The following ADAMTS17 variants were observed in gnomAD, a reference collection of about 807,000 sequenced individuals.
ADAMTS17 encodes the protein ADAM metallopeptidase with thrombospondin type 1 motif 17, also known as A disintegrin and metalloproteinase with thrombospondin motifs 17.
ADAMTS17 carries 113 observed loss-of-function variants against 141.5 expected under a neutral mutation model. The observed-to-expected ratio is 0.80, with a 90% CI of 0.69 to 0.93. The LOEUF is 0.93. Ranked by LOEUF, ADAMTS17 falls within the 40% of genes least tolerant of loss-of-function variation. ADAMTS17 has a pLI of 0.00. For synonymous variants in ADAMTS17, 768 were observed against 630.6 expected (o/e 1.22, Z -3.27); for missense variants, 1,659 against 1,517.9 (o/e 1.09, Z -1.54).
intron 15 of ADAMTS17, among the ~76,000 whole-genome samples, chr15:100,065,716 A>G (rs1297693416): frequency 1.3e-5 from 2 of 152,090 alleles, no homozygotes; most frequent in East Asian, 3.9e-4. Flanking sequence ...CTCTTGTTTA[A>G]ATTTTACTTT....
At chr15:100,000,344 T>C (rs1173537915) in intron 18 of ADAMTS17, among the ~76,000 whole-genome samples, 1 of 152,244 alleles carries the variant, frequency 6.6e-6, no homozygotes, top group African/African-American at 2.4e-5. Flanking sequence ...AAGTTTTCTC[T>C]TCTTTTGGCC....
At chr15:100,236,593 C>A (rs1453331150) in intron 7 of ADAMTS17, among the ~76,000 whole-genome samples, 1 of 152,170 alleles carries the variant, frequency 6.6e-6, no homozygotes, top group Non-Finnish European at 1.5e-5. Context: ...ATCCCAGCAG[C>A]TTGGGAGGCT....
At chr15:100,177,860 AG>A (rs2040391299) in intron 8 of ADAMTS17, among the ~76,000 whole-genome samples, 1 of 152,088 alleles carries the variant, frequency 6.6e-6, no homozygotes, top group African/African-American at 2.4e-5. Context: ...TATACGTTAA[AG>A]GTTGTTGTAT....
At chr15:100,195,587 T>C (rs557146499) in intron 8 of ADAMTS17, among the ~76,000 whole-genome samples, 1 of 123,086 alleles carries the variant, frequency 8.1e-6, no homozygotes, top group Admixed American at 1.0e-4. Context: ...TTACATTAAT[T>C]AAATGACTGG....
intron 18 of ADAMTS17, among the ~76,000 whole-genome samples, chr15:100,027,989 C>G (rs1326123255): frequency 5.3e-5 from 8 of 152,090 alleles, no homozygotes; most frequent in Non-Finnish European, 7.4e-5. Flanking sequence ...CACTGGGGAG[C>G]CCTACCCAGA....
At chr15:100,122,801 T>C (rs2037515422) in intron 12 of ADAMTS17, among the ~76,000 whole-genome samples, 1 of 152,192 alleles carries the variant, frequency 6.6e-6, no homozygotes, top group Non-Finnish European at 1.5e-5. Flanking sequence ...CCTCATCATC[T>C]TCACATTGAG....
At chr15:100,246,867 T>TTTTTTTTATTTA (rs143250819) in intron 7 of ADAMTS17, among the ~76,000 whole-genome samples, 2 of 146,514 alleles carry the variant, frequency 1.4e-5, no homozygotes, top group Admixed American at 1.4e-4. Flanking sequence ...GCCCTTTTAT[T>TTTTTTTTATTTA]TTTATTTATT....
intron 7 of ADAMTS17, among the ~76,000 whole-genome samples, chr15:100,223,665 CCA>C (rs1433838298): frequency 1.3e-5 from 2 of 150,426 alleles, no homozygotes; most frequent in East Asian, 3.9e-4. Flanking sequence ...ACACACACAC[CCA>C]CAGACACACA....
intron 8 of ADAMTS17, among the ~76,000 whole-genome samples, chr15:100,186,592 G>A (rs887207398): frequency 2.2e-4 from 33 of 152,322 alleles, no homozygotes; most frequent in African/African-American, 7.0e-4. Context: ...TCCAGCGCCC[G>A]GGGCAGGCAG....
In ADAMTS17 at chr15:100,101,414, G is replaced by A. The variant is rs543832273; in HGVS notation, c.2017-4938C>T. On this transcript the variant is annotated intron_variant, in intron 14 of 21. Coordinates refer to ENST00000268070, the MANE Select transcript of ADAMTS17 (RefSeq NM_139057.4). ...GCACACAATACAGTGTGCAGCACTC[G>A]GAATGTGATCAACAAATACCTGATG... 1.8e-4 allele frequency among the ~76,000 whole-genome samples: 27 copies of A among 152,306 alleles called. No individual in the cohort carries two copies. The South Asian group carries it at 3.9e-3, about 22-fold the overall frequency.
At chr15:100,229,364 G>A (rs1473114008) in intron 7 of ADAMTS17, among the ~76,000 whole-genome samples, 1 of 150,760 alleles carries the variant, frequency 6.6e-6, no homozygotes, top group Admixed American at 6.6e-5. Flanking sequence ...ACTCTGACGT[G>A]AAACATGAGT....
At chr15:100,091,010 C>CAACAACAAAAAAAA (rs1555446585) in intron 15 of ADAMTS17, among the ~76,000 whole-genome samples, 2 of 54,594 alleles carry the variant, frequency 3.7e-5, no homozygotes, top group African/African-American at 7.1e-5. Context: ...TCCGTCTCAA[C>CAACAACAAAAAAAA]AAAAAAAAAA....
chr15:100,241,804 T>C (rs978045877), intron 7 of ADAMTS17, among the ~76,000 whole-genome samples: 1 of 152,198 alleles, frequency 6.6e-6, no homozygotes, highest in African/African-American at 2.4e-5. Context: ...TATATGTCAA[T>C]CAAGCTCCCT....
chr15:100,070,340 G>T (rs899083138), intron 15 of ADAMTS17, among the ~76,000 whole-genome samples: 2 of 148,890 alleles, frequency 1.3e-5, no homozygotes, highest in Non-Finnish European at 1.5e-5. Flanking sequence ...CAACGAGTCA[G>T]AAAGTTAACA....
intron 7 of ADAMTS17, among the ~76,000 whole-genome samples, chr15:100,252,584 C>G (rs1008691494): frequency 1.3e-5 from 2 of 152,218 alleles, no homozygotes; most frequent in African/African-American, 2.4e-5. Flanking sequence ...CTCCTAGAAA[C>G]AGCACATGCC....
rs1383265645 is a variant in ADAMTS17 at position 99,972,236 on chromosome 15, G to A, written c.*2166C>T. ...ACTGCACTCCAGCCTGGGCAACAGA[G>A]GGAGACTCTGTCTCAAAAAACAACA... is the stretch of plus-strand genomic sequence containing the variant. On this transcript the variant is annotated 3_prime_UTR_variant, in exon 22 of 22. Transcript: ENST00000268070. 2 of 152,010 alleles carry A rather than the reference G, an allele frequency of 1.3e-5. No individual in the cohort carries two copies. Among genetic ancestry groups the A allele is most frequent in the East Asian group, 1.9e-4 (1 of 5,184 alleles). 9.4% of individuals were successfully genotyped at this position (152,010 alleles called of 1,614,324 possible). A position where few individuals can be genotyped will look rare whatever the true frequency, so the allele number is the denominator to read the frequency against.
intron 18 of ADAMTS17, among the ~76,000 whole-genome samples, chr15:100,001,797 C>G (rs774587102): frequency 6.6e-6 from 1 of 151,482 alleles, no homozygotes; most frequent in South Asian, 2.1e-4. Flanking sequence ...ATGGTGAAAC[C>G]CCATCTCTAC....
chr15:100,063,364 G>A (rs1035699729), intron 15 of ADAMTS17, among the ~76,000 whole-genome samples: 2 of 152,204 alleles, frequency 1.3e-5, no homozygotes, highest in African/African-American at 4.8e-5. Flanking sequence ...AGCTCTCCTG[G>A]GGTTACTTTG....
At chr15:100,221,078 G>A (rs147327957) in intron 7 of ADAMTS17, among the ~76,000 whole-genome samples, 129 of 152,190 alleles carry the variant, frequency 8.5e-4, no homozygotes, top group African/African-American at 3.0e-3. Flanking sequence ...ATTTCTTGAG[G>A]AACTGGGAAC....
Sources: allele counts gnomAD v4.1 joint callset (sites outside exome capture counted in the v4.1 genomes callset), GRCh38; gene constraint gnomAD v4.1.1; transcripts MANE v1.5; gene names NCBI Gene and HGNC (gene_info 2026-07-23, HGNC 2026-07-21).